The following FBXO10 variants were observed in gnomAD, a reference collection of about 807,000 sequenced individuals.
FBXO10 encodes the protein F-box only protein 10.
FBXO10 carries 39 observed loss-of-function variants against 80.7 expected under a neutral mutation model. The ratio of observed to expected loss-of-function variants is 0.48; its 90% CI spans 0.37 to 0.63. FBXO10 has a LOEUF of 0.63. Among genes scored for constraint, FBXO10 ranks in the 30% least tolerant of loss-of-function variants. The probability of loss-of-function intolerance (pLI) is 0.00; values close to 1 mark genes in which losing one functional copy is unlikely to be tolerated. For missense variants in FBXO10, 1,025 were observed against 1,269.0 expected (o/e 0.81, Z 2.92); for synonymous variants, 449 against 489.6 (o/e 0.92, Z 1.09).
chr9:37,552,897 T>C (rs1392131563), intron 1 of FBXO10, among the ~76,000 whole-genome samples: 1 of 152,078 alleles, frequency 6.6e-6, no homozygotes, highest in Non-Finnish European at 1.5e-5. Context: ...CTTCCATTCA[T>C]AAGGAAGAGC....
intron 9 of FBXO10, among the ~76,000 whole-genome samples, chr9:37,516,403 ACT>A (rs1821179257): frequency 6.6e-6 from 1 of 152,202 alleles, no homozygotes; most frequent in Admixed American, 6.5e-5. Flanking sequence ...TGGCAACCCA[ACT>A]GAGACGAAAG....
rs57935826 is a variant in FBXO10 at position 37,528,834 on chromosome 9, C to A, written c.1706+290G>T. 0.021 allele frequency among the ~76,000 whole-genome samples: 3,264 copies of A among 152,316 alleles called. 342 individuals carry two copies. In the East Asian group the frequency reaches 0.32, roughly 15 times the overall value. ...GTGAGCTGAAATCTCTGTTCCATCC[C>A]TGCCTGGGGGTACTTCTGTGCCCAT... On this transcript the variant is annotated intron_variant, in intron 5 of 10. Transcript: ENST00000432825.
At chr9:37,567,773 G>A (rs547826883) in intron 1 of FBXO10, among the ~76,000 whole-genome samples, 113 of 150,922 alleles carry the variant, frequency 7.5e-4, no homozygotes, top group African/African-American at 2.6e-3. Flanking sequence ...CAGGTGATCT[G>A]TCCGCCTCGG....
In FBXO10 at chr9:37,518,255, C is replaced by T. The variant is rs753699828; in HGVS notation, c.2384G>A (p.Arg795Gln). Residue 795 changes from arginine to glutamine, a missense_variant, in exon 9 of 11, where the codon CGG becomes CAG. Coordinates refer to ENST00000432825, the MANE Select transcript of FBXO10 (RefSeq NM_012166.3). Reference sequence around the variant, plus strand: ...TCTGTTGTCATAGATACCATTGCCCCGGAGCTCCACTTTGCACTGGGCCTC... The same window carrying T: ...TCTGTTGTCATAGATACCATTGCCCTGGAGCTCCACTTTGCACTGGGCCTC... Reference protein sequence around the residue: ...KVEAQCKVELRGNGIYDNRGH... With the variant: ...KVEAQCKVELQGNGIYDNRGH... 9.9e-6 allele frequency: 16 copies of T among 1,614,068 alleles called. No individual in the cohort carries two copies. Among genetic ancestry groups the T allele is most frequent in the Middle Eastern group, 1.6e-4 (1 of 6,062 alleles).
intron 1 of FBXO10, among the ~76,000 whole-genome samples, chr9:37,552,678 C>T (rs1302815001): frequency 2.4e-5 from 3 of 124,360 alleles, no homozygotes; most frequent in Admixed American, 1.0e-4. Flanking sequence ...TGTGACAGAG[C>T]GAGACTCCAT....
rs1335504320 is a variant in FBXO10 at position 37,512,521 on chromosome 9, C to T, written c.*26G>A. ...TAGCTCCTCTGAGCACCCATCCAGG[C>T]TTGGCCCTGAAGCAGGTCTGTGTCC... On this transcript the variant is annotated 3_prime_UTR_variant, in exon 11 of 11. Transcript: ENST00000432825. 1.2e-6 allele frequency: 2 copies of T among 1,603,324 alleles called. No homozygotes were observed. Among genetic ancestry groups the T allele is most frequent in the Non-Finnish European group, 1.7e-6 (2 of 1,172,358 alleles).
At chr9:37,545,349 T>C (rs1480718625) in intron 1 of FBXO10, among the ~76,000 whole-genome samples, 2 of 152,032 alleles carry the variant, frequency 1.3e-5, no homozygotes, top group Admixed American at 1.3e-4. Context: ...GCTAACTTTT[T>C]TGTATTTTTA....
At chr9:37,552,347 T>G (rs1822216961) in intron 1 of FBXO10, among the ~76,000 whole-genome samples, 1 of 152,240 alleles carries the variant, frequency 6.6e-6, no homozygotes. Context: ...GTCTGTTTAG[T>G]GCAACCATGT....
chr9:37,576,021 C>A (rs923360137), intron 1 of FBXO10, among the ~76,000 whole-genome samples, 190 bp downstream of exon 1: 6 of 152,230 alleles, frequency 3.9e-5, no homozygotes, highest in African/African-American at 1.4e-4. Flanking sequence ...CGGGGGACCG[C>A]GGAGCCGCGG....
intron 1 of FBXO10, among the ~76,000 whole-genome samples, chr9:37,552,529 C>T (rs996548659): frequency 2.6e-5 from 4 of 151,978 alleles, no homozygotes; most frequent in African/African-American, 7.2e-5. Context: ...TGAAAACACA[C>T]ACACGCACAA....
At chr9:37,566,483 A>T (rs1822610962) in intron 1 of FBXO10, among the ~76,000 whole-genome samples, 2 of 151,954 alleles carry the variant, frequency 1.3e-5, no homozygotes, top group African/African-American at 4.8e-5. Flanking sequence ...AAAAGTGGAA[A>T]AAAAAATCAA....
chr9:37,523,201 T>C (rs931364459), intron 6 of FBXO10, among the ~76,000 whole-genome samples: 3 of 65,666 alleles, frequency 4.6e-5, no homozygotes, highest in African/African-American at 2.0e-4. Flanking sequence ...TGTGCACTCC[T>C]ATCTCCCCGG....
At chr9:37,556,181 C>T (rs745417061) in intron 1 of FBXO10, among the ~76,000 whole-genome samples, 12 of 152,150 alleles carry the variant, frequency 7.9e-5, no homozygotes, top group African/African-American at 1.7e-4. Flanking sequence ...CATTGATCTA[C>T]TTGTCAATCC....
At chr9:37,548,546 A>C (rs1407837979) in intron 1 of FBXO10, among the ~76,000 whole-genome samples, 5 of 152,100 alleles carry the variant, frequency 3.3e-5, no homozygotes, top group Admixed American at 3.3e-4. Context: ...GGTTAATAAC[A>C]CCATCATTTT....
chr9:37,537,338 T>C lies in FBXO10; in HGVS notation c.1191A>G (p.Ala397=). The change falls in exon 3 of 11, where the codon GCA becomes GCG. Residue 397 remains alanine (A), a synonymous_variant. Transcript: ENST00000432825. ...CTAGGCAGCTGGGCAGCTGAATGGA[T>C]GCTCCTGGTAGAGGTGGGCCCAGAA... is the stretch of plus-strand genomic sequence containing the variant. ...GSFLGPPLPG[A]SIQLPSCLVL... 6.2e-7 allele frequency: 1 copy of C among 1,606,448 alleles called. No homozygotes were observed. Among genetic ancestry groups the C allele is most frequent in the Non-Finnish European group, 8.5e-7 (1 of 1,175,998 alleles).
At chr9:37,560,977 C>T (rs1406638759) in intron 1 of FBXO10, among the ~76,000 whole-genome samples, 1 of 152,048 alleles carries the variant, frequency 6.6e-6, no homozygotes, top group Non-Finnish European at 1.5e-5. Flanking sequence ...CCCGTCTCTA[C>T]TAAAAATACA....
intron 10 of FBXO10, among the ~76,000 whole-genome samples, chr9:37,513,423 A>G (rs1215628265): frequency 6.6e-6 from 1 of 152,158 alleles, no homozygotes; most frequent in Non-Finnish European, 1.5e-5. Context: ...TGTGCAGTAC[A>G]CCCATACAGG....
intron 1 of FBXO10, among the ~76,000 whole-genome samples, chr9:37,570,036 C>T (rs534761061): frequency 1.6e-4 from 25 of 152,154 alleles, no homozygotes; most frequent in Non-Finnish European, 3.7e-4. Context: ...GAAGGCTGGG[C>T]GCAGTGGCTC....
At chr9:37,555,083 C>G (rs990615351) in intron 1 of FBXO10, among the ~76,000 whole-genome samples, 3 of 141,864 alleles carry the variant, frequency 2.1e-5, no homozygotes, top group Admixed American at 6.7e-5. Flanking sequence ...CAGGGTCACA[C>G]TTTGTCACCC....
Sources: allele counts gnomAD v4.1 joint callset (sites outside exome capture counted in the v4.1 genomes callset), GRCh38; gene constraint gnomAD v4.1.1; transcripts MANE v1.5; gene names NCBI Gene and HGNC (gene_info 2026-07-23, HGNC 2026-07-21).